The following HECTD2 variants were observed in gnomAD, a reference collection of about 807,000 sequenced individuals.
The protein encoded by HECTD2 is HECT domain E3 ubiquitin protein ligase 2.
A neutral mutation model predicts 103.2 loss-of-function variants in HECTD2; 35 were observed. That is an observed-to-expected ratio of 0.34 (90% CI 0.26 to 0.45). The LOEUF is 0.45. Ranked by LOEUF, HECTD2 falls within the 20% of genes least tolerant of loss-of-function variation. The pLI, the probability that HECTD2 is intolerant of heterozygous loss-of-function variation, is 1.00. For missense variants in HECTD2, 596 were observed against 937.4 expected, an observed-to-expected ratio of 0.64 and a Z score of 4.76; for synonymous variants, 281 against 329.9, an observed-to-expected ratio of 0.85 and a Z score of 1.61.
At chr10:91,471,274 C>G (rs1170872371) in intron 5 of HECTD2, among the ~76,000 whole-genome samples, 1 of 152,142 alleles carries the variant, frequency 6.6e-6, no homozygotes, top group African/African-American at 2.4e-5. Flanking sequence ...TTCAGCTTCC[C>G]TGCATGTTAA....
intron 2 of HECTD2, among the ~76,000 whole-genome samples, chr10:91,430,244 C>T (rs1200132703): frequency 6.6e-6 from 1 of 152,032 alleles, no homozygotes; most frequent in Non-Finnish European, 1.5e-5. Flanking sequence ...GTCTGAGAGA[C>T]AGTTTGTTAT....
chr10:91,438,353 T>C (rs1304807529), intron 2 of HECTD2, among the ~76,000 whole-genome samples: 5 of 152,072 alleles, frequency 3.3e-5, no homozygotes, highest in African/African-American at 9.7e-5. Context: ...TATTCCTATG[T>C]TAGTTTGCTG....
intron 8 of HECTD2, chr10:91,484,073 G>C (rs538941091): frequency 2.5e-6 from 1 of 396,926 alleles, no homozygotes; most frequent in Non-Finnish European, 4.5e-6. Context: ...TGCAAAGAGA[G>C]AGTATTGAGC....
chr10:91,510,729 G>C (rs540244315), intron 20 of HECTD2, among the ~76,000 whole-genome samples: 13 of 152,184 alleles, frequency 8.5e-5, no homozygotes, highest in African/African-American at 2.6e-4. Context: ...AACTGAGTTG[G>C]CATTTTCATT....
At chr10:91,424,576 T>C (rs554571427) in intron 1 of HECTD2, among the ~76,000 whole-genome samples, 1 of 152,234 alleles carries the variant, frequency 6.6e-6, no homozygotes, top group Non-Finnish European at 1.5e-5. Flanking sequence ...CTTCAAAGTA[T>C]GTGTGAAGAT....
chr10:91,434,721 T>A (rs990200246), intron 2 of HECTD2, among the ~76,000 whole-genome samples: 5 of 152,004 alleles, frequency 3.3e-5, no homozygotes, highest in African/African-American at 1.2e-4. Context: ...AGTATAAGGT[T>A]TGGCATTGTT....
At chr10:91,496,915 ATCTT>A (rs1187755389) in intron 15 of HECTD2, among the ~76,000 whole-genome samples, 2 of 151,542 alleles carry the variant, frequency 1.3e-5, no homozygotes, top group South Asian at 2.1e-4. Context: ...CTATTTTTAA[ATCTT>A]TATTTATGGA....
intron 2 of HECTD2, among the ~76,000 whole-genome samples, chr10:91,440,484 T>A (rs1844366506): frequency 6.6e-6 from 1 of 151,942 alleles, no homozygotes; most frequent in Non-Finnish European, 1.5e-5. Context: ...TTTGCCAGTA[T>A]TTTACTGAGG....
intron 20 of HECTD2, among the ~76,000 whole-genome samples, chr10:91,509,306 A>C (rs1043920022): frequency 1.2e-4 from 18 of 152,144 alleles, no homozygotes; most frequent in African/African-American, 4.3e-4. Context: ...AAAAATCAAA[A>C]AATAGCAGAT....
intron 2 of HECTD2, among the ~76,000 whole-genome samples, chr10:91,443,604 G>T (rs1172116265): frequency 6.6e-6 from 1 of 152,184 alleles, no homozygotes; most frequent in Non-Finnish European, 1.5e-5. Context: ...CAGAGCTTGA[G>T]CGCTGTGCTG....
chr10:91,478,052 T>TA (rs2133265895), intron 5 of HECTD2, 149 bp from the exon 6 acceptor site: 1 of 587,508 alleles, frequency 1.7e-6, no homozygotes, highest in African/African-American at 1.9e-5. Flanking sequence ...CTAGAGTTCT[T>TA]AAATGTAAAA....
chr10:91,424,741 TA>T (rs1276355926), intron 1 of HECTD2, among the ~76,000 whole-genome samples: 6 of 151,490 alleles, frequency 4.0e-5, no homozygotes, highest in Non-Finnish European at 5.9e-5. Flanking sequence ...GCACTACTTC[TA>T]AAAAAAAATT....
rs751019480 is a variant in HECTD2 at position 91,461,245 on chromosome 10, T to C, written c.408-9T>C. 1 of 1,315,550 alleles carries C rather than the reference T, an allele frequency of 7.6e-7. No homozygotes were observed. Among genetic ancestry groups the C allele is most frequent in the South Asian group, 1.3e-5 (1 of 76,222 alleles). The allele number at this position is 1,315,550 out of a possible 1,614,324, so 81.5% of individuals were successfully genotyped here. On this transcript the variant is annotated splice_polypyrimidine_tract_variant and intron_variant, in intron 3 of 20. Transcript: ENST00000298068. ...ATATGTATATACGGTTAATGTGTTT[T>C]CATTTTAGGGAAGATGTAGAAAAAG... is the stretch of plus-strand genomic sequence containing the variant.
intron 15 of HECTD2, among the ~76,000 whole-genome samples, chr10:91,497,162 G>A (rs1386115696): frequency 7.6e-6 from 1 of 132,238 alleles, no homozygotes; most frequent in Non-Finnish European, 1.6e-5. Flanking sequence ...TTTTAGCAGA[G>A]ACGGGGTTTT....
At chr10:91,510,710 A>G (rs1345923241) in intron 20 of HECTD2, among the ~76,000 whole-genome samples, 1 of 152,210 alleles carries the variant, frequency 6.6e-6, no homozygotes, top group East Asian at 1.9e-4. Context: ...AGAAAAAAAT[A>G]TATTAAAAAA....
intron 2 of HECTD2, among the ~76,000 whole-genome samples, chr10:91,436,422 G>T (rs910807677): frequency 6.6e-6 from 1 of 152,018 alleles, no homozygotes; most frequent in Non-Finnish European, 1.5e-5. Context: ...GAGGGGCAGG[G>T]TAAGTATTCT....
intron 14 of HECTD2, among the ~76,000 whole-genome samples, chr10:91,493,801 AAATC>A (rs1441335076): frequency 1.3e-5 from 2 of 152,030 alleles, no homozygotes; most frequent in African/African-American, 4.8e-5. Flanking sequence ...TTTTTAAAAA[AAATC>A]AAAGTATTTC....
In HECTD2 at chr10:91,462,118, C is replaced by A; in HGVS notation, c.534C>A (p.Asn178Lys). ...AFKKDATASF[N>K]TIEDSGINAK... ...AGAAAGATGCCACTGCCTCATTTAA[C>A]ACCATTGAAGACTCTGGGATTAATG... is the stretch of plus-strand genomic sequence containing the variant. The change falls in exon 5 of 21, where the codon AAC becomes AAA. Residue 178 changes from asparagine to lysine, a missense_variant. Asn to Lys is a moderately conservative substitution (Grantham distance 94). Around this residue, in one of 4 missense-constraint regions of HECTD2, gnomAD observed 220 missense variants for 233.9 expected, o/e 0.94. Coordinates refer to ENST00000298068, the MANE Select transcript of HECTD2 (RefSeq NM_182765.6). 1 of 1,593,802 alleles carries A rather than the reference C, an allele frequency of 6.3e-7. No individual in the cohort carries two copies. The highest frequency in any genetic ancestry group is 8.6e-7 in the Non-Finnish European group (1 of 1,164,416).
chr10:91,410,529 C>T lies in HECTD2; in HGVS notation c.91C>T (p.Arg31Cys), dbSNP rs1402452234. Residue 31 changes from arginine (R) to cysteine (C), a missense_variant, in exon 1 of 21, where the codon CGC (arginine) becomes TGC (cysteine). Coordinates refer to ENST00000298068, the MANE Select transcript of HECTD2 (RefSeq NM_182765.6). ...PEERKGKESE[R>C]EKLPPIVSAG... ...GGAGAGGAAAGGGAAGGAGTCAGAGCGCGAGAAGCTGCCGCCCATCGTATC... is the reference window on the plus strand; with the variant it reads ...GGAGAGGAAAGGGAAGGAGTCAGAGTGCGAGAAGCTGCCGCCCATCGTATC... 1.1e-5 allele frequency: 16 copies of T among 1,472,348 alleles called. No homozygotes were observed. Among genetic ancestry groups the T allele is most frequent in the Admixed American group, 4.5e-5 (2 of 44,932 alleles). The allele number at this position is 1,472,348 out of a possible 1,614,324, so 91.2% of individuals were successfully genotyped here. A position where few individuals can be genotyped will look rare whatever the true frequency, so the allele number is the denominator to read the frequency against.
Sources: gnomAD v4.1 joint callset for allele counts (sites outside exome capture counted in the v4.1 genomes callset) on GRCh38, gnomAD v4.1.1 for gene constraint, gnomAD v4.1.1 regional missense constraint, MANE v1.5 for transcripts, NCBI Gene and HGNC (gene_info 2026-07-23, HGNC 2026-07-21) for gene names.